ACP3: variants seen among roughly 807,000 people sequenced by gnomAD.
ACP3 encodes the protein prostatic acid phosphatase.
In ACP3, 38 loss-of-function variants were observed where a neutral mutation model predicts 45.6. The observed-to-expected ratio is 0.83, with a 90% CI of 0.64 to 1.09. The LOEUF (loss-of-function observed/expected upper bound fraction) is 1.09. Among genes scored for constraint, ACP3 ranks in the 50% least tolerant of loss-of-function variants. The pLI is 0.00. For synonymous variants in ACP3, 162 were observed against 164.7 expected (o/e 0.98, Z 0.13); for missense variants, 466 against 463.2 (o/e 1.01, Z -0.05).
downstream of ACP3, among the ~76,000 whole-genome samples, chr3:132,363,658 G>A (rs947045185): frequency 6.6e-6 from 1 of 152,150 alleles, no homozygotes; most frequent in Non-Finnish European, 1.5e-5. Context: ...AGAGTGGTTG[G>A]CCAGGCACGG....
intron 10 of ACP3, among the ~76,000 whole-genome samples, chr3:132,366,768 A>G (rs916418534): frequency 6.6e-6 from 1 of 152,196 alleles, no homozygotes; most frequent in African/African-American, 2.4e-5. Flanking sequence ...TACTGAATAG[A>G]TGGTTTTTAA....
Position 132,331,653 on chromosome 3 carries a change from A to G in ACP3, c.223A>G (p.Met75Val). 1 of 1,594,710 alleles carries G rather than the reference A, an allele frequency of 6.3e-7. No homozygotes were observed. Among genetic ancestry groups the G allele is most frequent in the South Asian group, 1.2e-5 (1 of 85,512 alleles). ...QGFGQLTQLG[M>V]EQHYELGEYI... ...TTTTATTTTTTTCCCATAGCTGGGC[A>G]TGGAGCAGCATTATGAACTTGGAGA... The change falls in exon 3 of 10, where the codon ATG becomes GTG. Residue 75 changes from methionine to valine, a missense_variant. Transcript: ENST00000336375.
chr3:132,340,206 T>G (rs1223416694), intron 5 of ACP3, among the ~76,000 whole-genome samples: 1 of 151,016 alleles, frequency 6.6e-6, no homozygotes. Context: ...TCCCAGCTAC[T>G]CAGGAGGCTG....
intron 1 of ACP3, among the ~76,000 whole-genome samples, chr3:132,327,339 C>A (rs1937315524): frequency 6.6e-6 from 1 of 151,552 alleles, no homozygotes. Context: ...CATGGTGAAA[C>A]CCCATCTCTA....
intron 5 of ACP3, among the ~76,000 whole-genome samples, chr3:132,341,826 A>G (rs914291976): frequency 2.6e-5 from 4 of 152,204 alleles, no homozygotes; most frequent in African/African-American, 4.8e-5. Flanking sequence ...ATATTGGCAA[A>G]TTGTAGTTCC....
At chr3:132,327,992 G>A (rs1937329307) in intron 1 of ACP3, among the ~76,000 whole-genome samples, 4 of 152,146 alleles carry the variant, frequency 2.6e-5, no homozygotes, top group Admixed American at 2.6e-4. Flanking sequence ...GAAACACAGT[G>A]AAAGTGTTAG....
intron 1 of ACP3, among the ~76,000 whole-genome samples, chr3:132,320,583 A>T (rs1283043127): frequency 6.6e-6 from 1 of 151,032 alleles, no homozygotes; most frequent in Non-Finnish European, 1.5e-5. Context: ...CAAGGTATAC[A>T]CTCTTCTCAT....
chr3:132,329,474 G>C (rs1326945114), intron 2 of ACP3, among the ~76,000 whole-genome samples: 1 of 152,152 alleles, frequency 6.6e-6, no homozygotes, highest in Non-Finnish European at 1.5e-5. Flanking sequence ...CAGGCTATTT[G>C]AGACCAGCAT....
rs1359045077 is a variant in ACP3, at chr3:132,364,917, T to C, written c.1139-2787T>C. 2.6e-5 allele frequency among the ~76,000 whole-genome samples: 4 copies of C among 152,254 alleles called. No individual in the cohort carries two copies. The East Asian group carries it at 7.7e-4, about 29-fold the overall frequency. ...TACTATCTGCCTTCCTCATTTCCAC[T>C]GAGTCCTTTCTTTCCCTCTTCAATT... is the stretch of plus-strand genomic sequence containing the variant. On this transcript the variant is annotated intron_variant, in intron 10 of 10. Transcript: ENST00000351273.
chr3:132,351,316 C>T (rs17182461), intron 8 of ACP3, among the ~76,000 whole-genome samples: 13,224 of 152,214 alleles, frequency 0.087, 776 homozygotes, highest in Middle Eastern at 0.22. Context: ...GAGTCTGAGA[C>T]GCCAAGGAGA....
chr3:132,349,713 G>T (rs1165828912), intron 7 of ACP3, among the ~76,000 whole-genome samples: 1 of 151,830 alleles, frequency 6.6e-6, no homozygotes, highest in Non-Finnish European at 1.5e-5. Flanking sequence ...AAAAATGAGG[G>T]TTGAGACGTA....
intron 7 of ACP3, 131 bp from the exon 8 acceptor site, chr3:132,349,789 A>G (rs376766055): frequency 2.9e-5 from 19 of 648,154 alleles, no homozygotes; most frequent in East Asian, 1.1e-4. Context: ...ATGCTCAATA[A>G]AATTAGATCT....
chr3:132,356,547 C>T (rs1439024607), intron 9 of ACP3, 139 bp from the exon 10 acceptor site: 4 of 1,512,060 alleles, frequency 2.6e-6, no homozygotes, highest in Middle Eastern at 2.4e-4. Flanking sequence ...CATTTACACA[C>T]CTAAATTGGC....
chr3:132,355,481 T>C (rs1293184078), intron 9 of ACP3, among the ~76,000 whole-genome samples: 1 of 147,076 alleles, frequency 6.8e-6, no homozygotes, highest in Non-Finnish European at 1.5e-5. Context: ...CTTATTTTAT[T>C]TTATCTTATT....
intron 7 of ACP3, among the ~76,000 whole-genome samples, chr3:132,346,072 C>T (rs945334757): frequency 1.3e-5 from 2 of 152,178 alleles, no homozygotes; most frequent in South Asian, 4.1e-4. Context: ...CAGCCATTGA[C>T]AGACACTATT....
intron 3 of ACP3, 58 bp from the exon 4 acceptor site, chr3:132,332,134 T>C (rs1937409562): frequency 2.5e-6 from 4 of 1,604,702 alleles, no homozygotes; most frequent in Admixed American, 3.3e-5. Context: ...GGCAGCTCTG[T>C]AGAAAAAAAC....
At chr3:132,355,104 C>G (rs1937850131) in intron 9 of ACP3, among the ~76,000 whole-genome samples, 1 of 152,182 alleles carries the variant, frequency 6.6e-6, no homozygotes, top group Non-Finnish European at 1.5e-5. Flanking sequence ...CCTCTTTGGA[C>G]CTACGGTTTC....
chr3:132,344,270 T>G (rs1234233039), intron 6 of ACP3, among the ~76,000 whole-genome samples: 1 of 134,598 alleles, frequency 7.4e-6, no homozygotes, highest in Non-Finnish European at 1.6e-5. Context: ...AGAGCAAGAT[T>G]CTGTCTCAAA....
chr3:132,335,305 C>T (rs887496143), intron 4 of ACP3, among the ~76,000 whole-genome samples: 20 of 151,868 alleles, frequency 1.3e-4, no homozygotes, highest in Non-Finnish European at 2.5e-4. Flanking sequence ...GACACTGGAG[C>T]CTCAGAGAAT....
Sources: gnomAD v4.1 joint callset for allele counts (sites outside exome capture counted in the v4.1 genomes callset) on GRCh38, gnomAD v4.1.1 for gene constraint, MANE v1.5 for transcripts, NCBI Gene and HGNC (gene_info 2026-07-23, HGNC 2026-07-21) for gene names.